The following PLG variants were observed in gnomAD, a reference collection of about 807,000 sequenced individuals.
PLG encodes the protein plasminogen, also known as plasmin.
Under a neutral mutation model 104.4 loss-of-function variants are expected in PLG, and 41 were observed. The observed-to-expected ratio is 0.39, with a 90% CI of 0.31 to 0.51. The LOEUF is 0.51. Among genes scored for constraint, PLG ranks in the 20% least tolerant of loss-of-function variants. The pLI is 0.76. For synonymous variants in PLG, 337 were observed against 357.1 expected (o/e 0.94, Z 0.63); for missense variants, 891 against 1,003.6 (o/e 0.89, Z 1.52).
intron 3 of PLG, 69 bp downstream of exon 3, chr6:160,707,875 C>T: frequency 9.1e-7 from 1 of 1,104,638 alleles, no homozygotes; most frequent in East Asian, 2.3e-5. Flanking sequence ...TTTCTCTATT[C>T]TATCTTTAAT....
chr6:160,706,520 G>C lies in PLG; in HGVS notation c.163G>C (p.Glu55Gln), dbSNP rs1435341698. The change falls in exon 2 of 19, where the codon GAG (glutamate) becomes CAG (glutamine). Residue 55 changes from glutamate (E) to glutamine (Q), a missense_variant. By Grantham distance (29) the Glu-to-Gln change is conservative. Around this residue, in one of 2 missense-constraint regions of PLG, gnomAD observed 854 missense variants for 932.1 expected, o/e 0.92. Coordinates refer to ENST00000308192, the MANE Select transcript of PLG (RefSeq NM_000301.5). ...AGAAGAATGTGCAGCAAAATGTGAG[G>C]AGGACGAAGAATTCACCTGCAGGTA... is the stretch of plus-strand genomic sequence containing the variant. ...SIEECAAKCE[E>Q]DEEFTCRAFQ... 1 of 1,613,916 alleles carries C rather than the reference G, an allele frequency of 6.2e-7. No homozygotes were observed. The highest frequency in any genetic ancestry group is 8.5e-7 in the Non-Finnish European group (1 of 1,179,820).
rs783143 is a variant in PLG, at chr6:160,707,855, A to G, written c.292+49A>G. On this transcript the variant is annotated intron_variant, in intron 3 of 18. Transcript: ENST00000308192. ...CTCCTACTGTCCTCCCCATCCTCCC[A>G]CTCTTCCTCTTTCTCTATTCTATCT... is the stretch of plus-strand genomic sequence containing the variant. 0.038 allele frequency: 46,804 copies of G among 1,229,458 alleles called. 1,290 individuals carry two copies. Among genetic ancestry groups the G allele is most frequent in the South Asian group, 0.093 (7,775 of 84,038 alleles). 76.2% of individuals were successfully genotyped at this position (1,229,458 alleles called of 1,614,324 possible). A position where few individuals can be genotyped will look rare whatever the true frequency, so the allele number is the denominator to read the frequency against.
chr6:160,706,669 G>C (rs1777533851), intron 2 of PLG, 127 bp downstream of exon 2: 2 of 954,070 alleles, frequency 2.1e-6, no homozygotes, highest in Non-Finnish European at 3.3e-6. Flanking sequence ...AACTATATTT[G>C]CTCACAGTAT....
chr6:160,714,949 T>G, intron 6 of PLG, 35 bp downstream of exon 6: 1 of 1,603,572 alleles, frequency 6.2e-7, no homozygotes, highest in Non-Finnish European at 8.5e-7. Flanking sequence ...CCATGTTTAA[T>G]TAAGGCTCTG....
intron 17 of PLG, among the ~76,000 whole-genome samples, chr6:160,742,008 C>A (rs1407371041): frequency 6.6e-6 from 1 of 152,202 alleles, no homozygotes; most frequent in Non-Finnish European, 1.5e-5. Flanking sequence ...TTTCTTATGG[C>A]TAAACAGTAT....
intron 3 of PLG, 89 bp downstream of exon 3, chr6:160,707,895 C>A: frequency 2.8e-6 from 3 of 1,071,994 alleles, no homozygotes; most frequent in African/African-American, 3.1e-5. Context: ...TTTATAAGAC[C>A]AGAGGAGGAA....
chr6:160,712,941 G>T, intron 4 of PLG, 45 bp from the exon 5 acceptor site: 1 of 1,546,220 alleles, frequency 6.5e-7, no homozygotes, highest in Non-Finnish European at 8.9e-7. Flanking sequence ...ATAGCAAGCT[G>T]ATTTTTAGAA....
At position 160,738,768 on chromosome 6, in the gene PLG, G is replaced by C. The variant is rs1267608563; in HGVS notation, c.1877+156G>C. ...CAGGGCAATTGGATAAGAGAGAAGG[G>C]AAGGGTTTCTAGAAAGAAACTGCAG... is the stretch of plus-strand genomic sequence containing the variant. On this transcript the variant is annotated intron_variant, in intron 15 of 18. Transcript: ENST00000308192. This position sits in a 1 kb window ranked among gnomAD's most constrained non-coding sequence, Gnocchi z 6.8. Among the ~76,000 whole-genome samples the C allele has an allele frequency of 1.3e-5, 2 of 152,150 alleles. No homozygotes were observed. Among genetic ancestry groups the C allele is most frequent in the African/African-American group, 4.8e-5 (2 of 41,430 alleles).
At position 160,738,427 on chromosome 6, in the gene PLG, G is replaced by A. The variant is rs1562380454; in HGVS notation, c.1803-111G>A. 2 of 788,206 alleles carry A rather than the reference G, an allele frequency of 2.5e-6. No individual in the cohort carries two copies. Among genetic ancestry groups the A allele is most frequent in the East Asian group, 5.0e-5 (2 of 39,906 alleles). The allele number at this position is 788,206 out of a possible 1,614,324, so 48.8% of individuals were successfully genotyped here. On this transcript the variant is annotated intron_variant, in intron 14 of 18. Coordinates refer to ENST00000308192, the MANE Select transcript of PLG (RefSeq NM_000301.5). The surrounding 1 kb of genome is among the most constrained non-coding windows in gnomAD (Gnocchi z 6.8). ...TGCTGGGCTTGCAGTCCTTTCCTTT[G>A]GGAATATGAACATGGTCAAAATTAA...
chr6:160,739,776 AAAAAAAC>A lies in PLG; in HGVS notation c.2018+579_2018+585del, dbSNP rs745739272. On this transcript the variant is annotated intron_variant, in intron 16 of 18. Transcript: ENST00000308192. This position sits in a 1 kb window ranked among gnomAD's most constrained non-coding sequence, Gnocchi z 4.4. ...ACACTGTACCAAAAAAAAAAACACCAAAAAAACAAAAAACAAACAAAAAAAAAACAAC... is the reference window on the plus strand; with the variant it reads ...ACACTGTACCAAAAAAAAAAACACCAAAAAAACAAACAAAAAAAAAACAAC... Among the ~76,000 whole-genome samples, 3 of 146,030 alleles carry A rather than the reference AAAAAAAC, an allele frequency of 2.1e-5. No homozygotes were observed. The highest frequency in any genetic ancestry group is 4.4e-5 in the Non-Finnish European group (3 of 67,768).
rs1376816340 is a variant in PLG at position 160,752,896 on chromosome 6, A to T, written c.2272-4A>T. On this transcript the variant is annotated splice_region_variant and splice_polypyrimidine_tract_variant and intron_variant, in intron 18 of 18. Coordinates refer to ENST00000308192, the MANE Select transcript of PLG (RefSeq NM_000301.5). This position sits in a 1 kb window ranked among gnomAD's most constrained non-coding sequence, Gnocchi z 4.7. ...CACATGCATTTTTCTCTCCCTCTGT[A>T]TAGGGTGACAGTGGAGGTCCTCTGG... 5.0e-6 allele frequency: 8 copies of T among 1,613,546 alleles called. No homozygotes were observed. Among genetic ancestry groups the T allele is most frequent in the South Asian group, 3.3e-5 (3 of 91,064 alleles).
At position 160,718,825 on chromosome 6, in the gene PLG, A is replaced by G. The variant is rs13231; in HGVS notation, c.1083A>G (p.Gln361=). ...ACTCCTCCCCAGTATCCACGGAACA[A>G]TTGGCTCCCACAGGTAAGCAAGGGT... The part of the protein sequence containing the change: ...SCDSSPVSTE[Q]LAPTAPPELT... The change falls in exon 9 of 19, where the codon CAA becomes CAG. Residue 361 remains glutamine, a synonymous_variant. Transcript: ENST00000308192. 414,582 of 1,612,288 alleles carry G rather than the reference A, an allele frequency of 0.26. 57,749 individuals carry two copies. The highest frequency in any genetic ancestry group is 0.29 in the Non-Finnish European group (341,425 of 1,178,430).
At position 160,740,903 on chromosome 6, in the gene PLG, A is replaced by G. The variant is rs1778181533; in HGVS notation, c.2019-408A>G. 6.6e-6 allele frequency among the ~76,000 whole-genome samples: 1 copy of G among 152,090 alleles called. No individual in the cohort carries two copies. The highest frequency in any genetic ancestry group is 2.1e-4 in the South Asian group (1 of 4,812). ...GCAAGTTGCTCTGGGCACACAACAC[A>G]TTTGCAATTTTACAGCCTCTTGGTG... On this transcript the variant is annotated intron_variant, in intron 16 of 18. Coordinates refer to ENST00000308192, the MANE Select transcript of PLG (RefSeq NM_000301.5). The surrounding 1 kb of genome is among the most constrained non-coding windows in gnomAD (Gnocchi z 5.2).
At chr6:160,748,369 A>AG (rs1491404634) in intron 17 of PLG, among the ~76,000 whole-genome samples, 52 of 40,370 alleles carry the variant, frequency 1.3e-3, no homozygotes, top group African/African-American at 4.2e-3. Flanking sequence ...AGAAAGAAAG[A>AG]AAGAAAGAAA....
chr6:160,709,638 G>T (rs1777599623), intron 3 of PLG, among the ~76,000 whole-genome samples: 1 of 152,160 alleles, frequency 6.6e-6, no homozygotes, highest in Non-Finnish European at 1.5e-5. Flanking sequence ...TCTCCTAGGT[G>T]TCAGCTCAAT....
In PLG at chr6:160,723,663, T is replaced by TGGCTAAATA. The variant is rs1256975628; in HGVS notation, c.1256+1098_1256+1106dup. ...GTCCATAGAAAAGTCCTCAAGTCTT[T>TGGCTAAATA]GGCTAAATAGAAAGCTGCATATGCA... On this transcript the variant is annotated intron_variant, in intron 10 of 18. Transcript: ENST00000308192. This position sits in a 1 kb window ranked among gnomAD's most constrained non-coding sequence, Gnocchi z 4.7. Among the ~76,000 whole-genome samples, 1 of 152,068 alleles carries TGGCTAAATA rather than the reference T, an allele frequency of 6.6e-6. No homozygotes were observed. Among genetic ancestry groups the TGGCTAAATA allele is most frequent in the African/African-American group, 2.4e-5 (1 of 41,384 alleles).
chr6:160,721,838 G>A (rs550291992), intron 9 of PLG, among the ~76,000 whole-genome samples: 28 of 152,218 alleles, frequency 1.8e-4, no homozygotes, highest in African/African-American at 6.7e-4. Flanking sequence ...CTGCTTCATT[G>A]CAATGCAGGA....
chr6:160,714,812 G>T lies in PLG; in HGVS notation c.566G>T (p.Ser189Ile). 1 of 1,613,722 alleles carries T rather than the reference G, an allele frequency of 6.2e-7. No homozygotes were observed. The highest frequency in any genetic ancestry group is 8.5e-7 in the Non-Finnish European group (1 of 1,179,654). ...LECEEECMHC[S>I]GENYDGKISK... ...TGTCCAGAGGAATGTATGCATTGCAGTGGAGAAAACTATGACGGCAAAATT... is the reference window on the plus strand; with the variant it reads ...TGTCCAGAGGAATGTATGCATTGCATTGGAGAAAACTATGACGGCAAAATT... The change falls in exon 6 of 19, where the codon AGT (serine) becomes ATT (isoleucine). Residue 189 changes from serine to isoleucine, a missense_variant. This residue lies in a region of PLG where 854 missense variants were observed against 932.1 expected (regional missense o/e 0.92). Transcript: ENST00000308192.
At chr6:160,703,590 A>C (rs1777464969) in intron 1 of PLG, among the ~76,000 whole-genome samples, 1 of 152,246 alleles carries the variant, frequency 6.6e-6, no homozygotes, top group South Asian at 2.1e-4. Context: ...TACCAGATAA[A>C]ATTTTACAAG....
Sources: gnomAD v4.1 joint callset for allele counts (sites outside exome capture counted in the v4.1 genomes callset) on GRCh38, gnomAD v4.1.1 for gene constraint, gnomAD v4.1.1 regional missense constraint, Gnocchi (gnomAD v3.1) non-coding constraint, MANE v1.5 for transcripts, NCBI Gene and HGNC (gene_info 2026-07-23, HGNC 2026-07-21) for gene names.